The following RYR2 variants were observed in gnomAD, a reference collection of about 807,000 sequenced individuals.
The protein encoded by RYR2 is ryanodine receptor 2.
RYR2 carries 227 observed loss-of-function variants against 601.1 expected under a neutral mutation model. The ratio of observed to expected loss-of-function variants is 0.38; its 90% CI spans 0.34 to 0.42. The LOEUF (loss-of-function observed/expected upper bound fraction) is 0.42, where lower values mean the gene tolerates loss of function less well. Among genes scored for constraint, RYR2 ranks in the 10% least tolerant of loss-of-function variants. The pLI is 1.00. For missense variants in RYR2, 4,646 were observed against 6,156.5 expected, an observed-to-expected ratio of 0.75 and a Z score of 8.21; for synonymous variants, 2,223 against 2,175.1, an observed-to-expected ratio of 1.02 and a Z score of -0.61.
intron 1 of RYR2, among the ~76,000 whole-genome samples, chr1:237,145,487 A>C (rs369494634): frequency 6.6e-6 from 1 of 152,284 alleles, no homozygotes; most frequent in East Asian, 1.9e-4. Flanking sequence ...CGCCATATGC[A>C]AGAGTTTTTC....
intron 19 of RYR2, among the ~76,000 whole-genome samples, chr1:237,493,672 T>C (rs976912625): frequency 1.3e-5 from 2 of 152,178 alleles, no homozygotes; most frequent in Admixed American, 1.3e-4. Context: ...CAGGATGGTC[T>C]CGAACTCCTG....
At chr1:237,832,253 T>G (rs954357415) in intron 104 of RYR2, among the ~76,000 whole-genome samples, 2 of 151,846 alleles carry the variant, frequency 1.3e-5, no homozygotes, top group Non-Finnish European at 2.9e-5. Flanking sequence ...AGATCTCTTA[T>G]GTTGCTCAGG....
intron 86 of RYR2, among the ~76,000 whole-genome samples, 179 bp downstream of exon 86, chr1:237,772,279 C>T (rs753095629): frequency 3.3e-5 from 5 of 152,198 alleles, no homozygotes; most frequent in South Asian, 4.1e-4. Context: ...TGCTTCTGAA[C>T]GTGCCTCCTA....
At chr1:237,517,722 C>T (rs1330030181) in intron 24 of RYR2, among the ~76,000 whole-genome samples, 1 of 152,152 alleles carries the variant, frequency 6.6e-6, no homozygotes, top group Non-Finnish European at 1.5e-5. Flanking sequence ...CTTATGCCCC[C>T]TGTTTCCACA....
intron 60 of RYR2, among the ~76,000 whole-genome samples, chr1:237,677,806 T>G (rs1396280946): frequency 6.6e-6 from 1 of 152,200 alleles, no homozygotes; most frequent in African/African-American, 2.4e-5. Flanking sequence ...ACAAATGTGT[T>G]TGTGTCTCTA....
intron 25 of RYR2, 27 bp from the exon 26 acceptor site, chr1:237,548,404 A>G (rs1670041484): frequency 1.9e-6 from 3 of 1,609,914 alleles, no homozygotes; most frequent in Non-Finnish European, 2.5e-6. Flanking sequence ...CCAATTATAC[A>G]CAAATTTCTT....
At chr1:237,067,699 C>T (rs1055318475) in intron 1 of RYR2, among the ~76,000 whole-genome samples, 3 of 152,142 alleles carry the variant, frequency 2.0e-5, no homozygotes, top group Non-Finnish European at 1.5e-5. Flanking sequence ...ACTTGTGTAT[C>T]AATTTGGGTT....
intron 21 of RYR2, 120 bp from the exon 22 acceptor site, chr1:237,503,169 G>T: frequency 1.2e-6 from 1 of 814,602 alleles, no homozygotes. Context: ...GGTACGTAGG[G>T]GAAAATGTGG....
intron 25 of RYR2, among the ~76,000 whole-genome samples, chr1:237,534,873 A>G (rs1005594586): frequency 2.6e-5 from 4 of 151,892 alleles, no homozygotes; most frequent in South Asian, 2.1e-4. Flanking sequence ...GCCTATATTT[A>G]TGGTATACCA....
At chr1:237,493,799 A>T (rs1572580347) in intron 19 of RYR2, among the ~76,000 whole-genome samples, 2 of 152,220 alleles carry the variant, frequency 1.3e-5, no homozygotes. Flanking sequence ...CAAAAATAGA[A>T]TGTCCAAAAT....
rs773475551 is a variant in RYR2, at chr1:237,650,060, C to T, written c.7696C>T (p.Arg2566Trp). ...SKGCSLTKAQ[R>W]DSIEVCLLSI... ...GGGCTGTTCACTTACCAAAGCTCAG[C>T]GGGATTCCATAGAAGTTTGTTTACT... The change falls in exon 50 of 105, where the codon CGG becomes TGG. Residue 2566 changes from arginine (R) to tryptophan (W), a missense_variant. Around this residue, in one of 17 missense-constraint regions of RYR2, gnomAD observed 1,497 missense variants for 1,842.6 expected, o/e 0.81. Transcript: ENST00000366574. The T allele has an allele frequency of 3.7e-6, 6 of 1,613,974 alleles. No homozygotes were observed. Among genetic ancestry groups the T allele is most frequent in the South Asian group, 1.1e-5 (1 of 91,074 alleles).
chr1:237,155,040 T>A (rs1675153215), intron 1 of RYR2, among the ~76,000 whole-genome samples: 1 of 152,212 alleles, frequency 6.6e-6, no homozygotes, highest in Non-Finnish European at 1.5e-5. Flanking sequence ...TCCTTAGGGA[T>A]GTTGGGGCTT....
At chr1:237,765,254 T>C (rs570350170) in intron 84 of RYR2, among the ~76,000 whole-genome samples, 17 of 152,320 alleles carry the variant, frequency 1.1e-4, no homozygotes, top group African/African-American at 3.4e-4. Flanking sequence ...CAAATCATTA[T>C]GACATTGAAA....
At chr1:237,560,401 C>T (rs1009000331) in intron 27 of RYR2, among the ~76,000 whole-genome samples, 5 of 152,218 alleles carry the variant, frequency 3.3e-5, no homozygotes, top group African/African-American at 1.2e-4. Context: ...ACAAGTCTTA[C>T]CGATGGAATT....
intron 12 of RYR2, among the ~76,000 whole-genome samples, chr1:237,431,237 A>C (rs1417479582): frequency 3.9e-5 from 6 of 152,226 alleles, no homozygotes; most frequent in Non-Finnish European, 8.8e-5. Flanking sequence ...ATTAGATAAT[A>C]AATTTTTTCC....
intron 99 of RYR2, among the ~76,000 whole-genome samples, chr1:237,807,135 T>C (rs1283308468): frequency 6.6e-6 from 1 of 152,136 alleles, no homozygotes; most frequent in Non-Finnish European, 1.5e-5. Context: ...CATATGTCAC[T>C]TTAGGTTCTG....
At chr1:237,181,573 A>T (rs1678763883) in intron 1 of RYR2, among the ~76,000 whole-genome samples, 2 of 152,124 alleles carry the variant, frequency 1.3e-5, no homozygotes, top group Admixed American at 1.3e-4. Context: ...GATGTTTTTG[A>T]TGCTGGGGAC....
intron 1 of RYR2, among the ~76,000 whole-genome samples, chr1:237,115,756 T>C (rs2148615219): frequency 6.6e-6 from 1 of 152,292 alleles, no homozygotes; most frequent in East Asian, 1.9e-4. Flanking sequence ...GTGTGAAATG[T>C]TCTCCTCAAA....
chr1:237,592,645 A>AAT (rs35910955), intron 32 of RYR2, among the ~76,000 whole-genome samples: 149 of 149,390 alleles, frequency 1.0e-3, no homozygotes, highest in Non-Finnish European at 9.4e-4. Flanking sequence ...AAAAAAAAAA[A>AAT]GTGAGCTTAA....
Sources: gnomAD v4.1 joint callset for allele counts (sites outside exome capture counted in the v4.1 genomes callset) on GRCh38, gnomAD v4.1.1 for gene constraint, gnomAD v4.1.1 regional missense constraint, MANE v1.5 for transcripts, NCBI Gene and HGNC (gene_info 2026-07-23, HGNC 2026-07-21) for gene names.